ARHGAP6: variants seen among roughly 807,000 people sequenced by gnomAD.
The protein encoded by ARHGAP6 is rho GTPase-activating protein 6.
In ARHGAP6, 16 loss-of-function variants were observed where a neutral mutation model predicts 55.7. The observed-to-expected ratio is 0.29, with a 90% CI of 0.19 to 0.44. The LOEUF (loss-of-function observed/expected upper bound fraction) is 0.44. ARHGAP6 is among the 20% of genes least tolerant of loss of function. The pLI, the probability that ARHGAP6 is intolerant of heterozygous loss-of-function variation, is 1.00. For synonymous variants in ARHGAP6, 382 were observed against 360.9 expected (o/e 1.06, Z -0.66); for missense variants, 698 against 808.9 (o/e 0.86, Z 1.66).
At chrX:11,190,448 G>A (rs1341606428) in intron 3 of ARHGAP6, among the ~76,000 whole-genome samples, 1 of 58,823 alleles carries the variant, frequency 1.7e-5, no homozygotes, top group Non-Finnish European at 3.3e-5. Context: ...CTCCTGTTAT[G>A]TACCCTGAGG....
chrX:11,382,196 G>A (rs971748050), intron 1 of ARHGAP6, among the ~76,000 whole-genome samples: 2 of 111,260 alleles, frequency 1.8e-5, no homozygotes, highest in Non-Finnish European at 3.8e-5. Context: ...ACTTATATTA[G>A]TAGCTAATTA....
At chrX:11,507,392 G>A (rs957410443) in intron 1 of ARHGAP6, among the ~76,000 whole-genome samples, 4 of 111,623 alleles carry the variant, frequency 3.6e-5, no homozygotes, top group East Asian at 2.8e-4. Context: ...CTCAGTCTCC[G>A]TGTCTTTAAA....
chrX:11,143,599 T>C, intron 11 of ARHGAP6: 5 of 944,595 alleles, frequency 5.3e-6, no homozygotes, highest in Non-Finnish European at 6.6e-6. Context: ...TCTTTAGAAA[T>C]GTAACAGCAG....
intron 1 of ARHGAP6, among the ~76,000 whole-genome samples, chrX:11,565,956 C>A (rs764153428): frequency 8.9e-6 from 1 of 111,929 alleles, no homozygotes; most frequent in East Asian, 2.8e-4. Flanking sequence ...CTATTCAGAG[C>A]TGGCTATCAA....
chrX:11,157,989 ACTT>A (rs1444980686), intron 9 of ARHGAP6, among the ~76,000 whole-genome samples: 1 of 111,766 alleles, frequency 8.9e-6, no homozygotes, highest in African/African-American at 3.3e-5. Flanking sequence ...CATCTCTGTT[ACTT>A]CTTTTCTCCC....
intron 1 of ARHGAP6, among the ~76,000 whole-genome samples, chrX:11,509,663 T>C (rs1320550733): frequency 8.9e-6 from 1 of 112,124 alleles, no homozygotes; most frequent in African/African-American, 3.2e-5. Flanking sequence ...TTTTGAGAAA[T>C]GTTCCATTCA....
chrX:11,642,641 T>C (rs1258008240), intron 1 of ARHGAP6, among the ~76,000 whole-genome samples: 1 of 111,959 alleles, frequency 8.9e-6, no homozygotes, highest in Non-Finnish European at 1.9e-5. Context: ...TACTATAACA[T>C]GAACATGGAT....
At chrX:11,434,123 G>C in intron 1 of ARHGAP6, among the ~76,000 whole-genome samples, 1 of 112,062 alleles carries the variant, frequency 8.9e-6, no homozygotes, top group Non-Finnish European at 1.9e-5. Context: ...AGTGGGTGGA[G>C]ACCAGAGATG....
At chrX:11,506,780 G>A (rs1176628303) in intron 1 of ARHGAP6, among the ~76,000 whole-genome samples, 1 of 111,337 alleles carries the variant, frequency 9.0e-6, no homozygotes, top group East Asian at 2.8e-4. Flanking sequence ...GGGTCAAATG[G>A]TATTTCTAGT....
intron 1 of ARHGAP6, among the ~76,000 whole-genome samples, chrX:11,349,573 C>T (rs2048832502): frequency 9.0e-6 from 1 of 111,718 alleles, no homozygotes; most frequent in Admixed American, 9.5e-5. Context: ...AAAGAATACT[C>T]TTCTTCAGAT....
intron 1 of ARHGAP6, among the ~76,000 whole-genome samples, chrX:11,492,633 A>C (rs188359199): frequency 2.7e-5 from 3 of 111,848 alleles, no homozygotes; most frequent in African/African-American, 9.7e-5. Flanking sequence ...TGGAAAAAGG[A>C]ATATTTATAT....
At chrX:11,210,845 T>C (rs898081693) in intron 2 of ARHGAP6, among the ~76,000 whole-genome samples, 4 of 112,122 alleles carry the variant, frequency 3.6e-5, no homozygotes, top group African/African-American at 9.7e-5. Flanking sequence ...ATCTAGAAAA[T>C]TGATTTTGGT....
intron 1 of ARHGAP6, among the ~76,000 whole-genome samples, chrX:11,444,106 A>C (rs1052801393): frequency 4.5e-5 from 5 of 111,988 alleles, no homozygotes; most frequent in African/African-American, 1.6e-4. Flanking sequence ...GGTTGGCAAC[A>C]TTTCCCTATA....
chrX:11,570,189 C>T (rs1165027663), intron 1 of ARHGAP6, among the ~76,000 whole-genome samples: 1 of 110,908 alleles, frequency 9.0e-6, no homozygotes, highest in Non-Finnish European at 1.9e-5. Flanking sequence ...ACCAAGTGTA[C>T]AAACTCTAAA....
At chrX:11,475,720 A>C (rs763574081) in intron 1 of ARHGAP6, among the ~76,000 whole-genome samples, 98 of 109,509 alleles carry the variant, frequency 8.9e-4, no homozygotes, top group Non-Finnish European at 1.6e-3. Context: ...CTAGAATATA[A>C]AATTTGATAC....
chrX:11,406,871 GTT>G (rs756584621), intron 1 of ARHGAP6, among the ~76,000 whole-genome samples: 6 of 101,314 alleles, frequency 5.9e-5, no homozygotes, highest in East Asian at 3.1e-4. Context: ...TAAATGGGGA[GTT>G]TTTTTTTTTT....
At chrX:11,542,098 A>T (rs1394936169) in intron 1 of ARHGAP6, among the ~76,000 whole-genome samples, 5 of 95,025 alleles carry the variant, frequency 5.3e-5, no homozygotes, top group African/African-American at 8.0e-5. Context: ...TTTTTTTCTC[A>T]CTCCCAAGAG....
intron 1 of ARHGAP6, among the ~76,000 whole-genome samples, chrX:11,615,914 T>A (rs1215984344): frequency 8.9e-6 from 1 of 111,845 alleles, no homozygotes; most frequent in Non-Finnish European, 1.9e-5. Flanking sequence ...GTCACAGTAA[T>A]GTATGGAGAA....
chrX:11,348,969 T>C (rs932011023), intron 1 of ARHGAP6, among the ~76,000 whole-genome samples: 1 of 110,645 alleles, frequency 9.0e-6, no homozygotes, highest in Non-Finnish European at 1.9e-5. Flanking sequence ...TTGGGAAAAA[T>C]AGGCCAGGCA....
Sources: allele counts gnomAD v4.1 joint callset (sites outside exome capture counted in the v4.1 genomes callset), GRCh38; gene constraint gnomAD v4.1.1; transcripts MANE v1.5; gene names NCBI Gene and HGNC (gene_info 2026-07-23, HGNC 2026-07-21).